NEK9: variants seen among roughly 807,000 people sequenced by gnomAD.
The protein encoded by NEK9 is serine/threonine-protein kinase Nek9.
Under a neutral mutation model 123.4 loss-of-function variants are expected in NEK9, and 75 were observed. That is an observed-to-expected ratio of 0.61 (90% CI 0.50 to 0.74). NEK9 has a LOEUF of 0.74. Among genes scored for constraint, NEK9 ranks in the 30% least tolerant of loss-of-function variants. The pLI is 0.00. For missense variants in NEK9, 952 were observed against 1,214.4 expected (o/e 0.78, Z 3.21); for synonymous variants, 438 against 458.7 (o/e 0.95, Z 0.58).
rs542681727 is a variant in NEK9 at position 75,107,413 on chromosome 14, A to G, written c.1257T>C (p.His419=). ...GDKASYRQPK[H]VEKLQGKAIR... The stretch of plus-strand genomic sequence containing the variant: ...TAGCTTTGCCTTGCAACTTTTCCAC[A>G]TGCTTTGGCTGTCGATAGGAGGCTT... Residue 419 remains histidine (H), a synonymous_variant, in exon 11 of 22, where the codon CAT becomes CAC. Coordinates refer to ENST00000238616, the MANE Select transcript of NEK9 (RefSeq NM_033116.6). The G allele has an allele frequency of 1.1e-5, 17 of 1,613,890 alleles. No individual in the cohort carries two copies. Among genetic ancestry groups the G allele is most frequent in the Middle Eastern group, 1.6e-4 (1 of 6,062 alleles).
At position 75,101,280 on chromosome 14, in the gene NEK9, T is replaced by C. The variant is rs1894571235; in HGVS notation, c.1841-127A>G. ...ATATACAAATATAAAACTAGCCACA[T>C]GATCCTGGACCTAGGACAAATACAG... is the stretch of plus-strand genomic sequence containing the variant. On this transcript the variant is annotated intron_variant, in intron 15 of 21. Coordinates refer to ENST00000238616, the MANE Select transcript of NEK9 (RefSeq NM_033116.6). 6 of 1,024,014 alleles carry C rather than the reference T, an allele frequency of 5.9e-6. No homozygotes were observed. In the East Asian group the frequency reaches 1.6e-4, roughly 27 times the overall value. The allele number at this position is 1,024,014 out of a possible 1,614,324, so 63.4% of individuals were successfully genotyped here.
chr14:75,120,570 C>T lies in NEK9; in HGVS notation c.464G>A (p.Trp155Ter), dbSNP rs557708236. The T allele has an allele frequency of 6.2e-7, 1 of 1,611,406 alleles. No individual in the cohort carries two copies. Among genetic ancestry groups the T allele is most frequent in the Non-Finnish European group, 8.5e-7 (1 of 1,178,194 alleles). Residue 155 changes from tryptophan to a stop codon, truncating the protein, a stop_gained, in exon 4 of 22, where the codon TGG becomes TAG. Transcript: ENST00000238616. LOFTEE classifies it high-confidence loss of function. ...DKLFEEEMVVWYLFQIVSAVS... is the reference protein window; with the variant it reads ...DKLFEEEMVV ...TGCTGAAACAATCTGAAATAGGTAC[C>T]ACACCACCATCTGCAGAGAAAAAAT...
chr14:75,114,065 T>C (rs1895047823), intron 7 of NEK9, 138 bp downstream of exon 7: 1 of 596,276 alleles, frequency 1.7e-6, no homozygotes, highest in South Asian at 2.2e-5. Context: ...CCAATACCTA[T>C]TCTGGGTATA....
chr14:75,089,847 C>T (rs940624337), intron 19 of NEK9, among the ~76,000 whole-genome samples: 9 of 151,924 alleles, frequency 5.9e-5, no homozygotes, highest in African/African-American at 1.7e-4. Flanking sequence ...TACAGGCGTG[C>T]GCCACAACGC....
chr14:75,083,488 T>C lies in NEK9; in HGVS notation c.*1076A>G, dbSNP rs1360532788. 1.8e-5 allele frequency: 3 copies of C among 168,530 alleles called. No homozygotes were observed. The highest frequency in any genetic ancestry group is 6.4e-5 in the Admixed American group (1 of 15,728). The allele number at this position is 168,530 out of a possible 1,614,324, so 10.4% of individuals were successfully genotyped here. A position where few individuals can be genotyped will look rare whatever the true frequency, so the allele number is the denominator to read the frequency against. ...GGGTTTGGTGCTGGCTTTGGGCCAC[T>C]CAGGTAGGAAAAATGATACAGATTC... is the stretch of plus-strand genomic sequence containing the variant. On this transcript the variant is annotated 3_prime_UTR_variant, in exon 22 of 22. Coordinates refer to ENST00000238616, the MANE Select transcript of NEK9 (RefSeq NM_033116.6).
At chr14:75,084,742 T>C (rs1566636981) in intron 21 of NEK9, 56 bp from the exon 22 acceptor site, 2 of 1,609,028 alleles carry the variant, frequency 1.2e-6, no homozygotes, top group South Asian at 1.1e-5. Context: ...GTCACAGAAG[T>C]AGTTCAGTAC....
chr14:75,099,505 G>C (rs1020312743), intron 16 of NEK9, among the ~76,000 whole-genome samples: 1 of 152,170 alleles, frequency 6.6e-6, no homozygotes, highest in Admixed American at 6.5e-5. Context: ...GGAGTGACCA[G>C]GAGTGGTGGC....
At chr14:75,108,100 A>C (rs1024723000) in intron 10 of NEK9, among the ~76,000 whole-genome samples, 8 of 151,906 alleles carry the variant, frequency 5.3e-5, no homozygotes, top group Non-Finnish European at 1.2e-4. Context: ...TACAGCAATG[A>C]GACTAGTCCT....
In NEK9 at chr14:75,127,025, A is replaced by T; in HGVS notation, c.-104T>A. The T allele has an allele frequency of 2.1e-6, 2 of 955,998 alleles. No individual in the cohort carries two copies. The highest frequency in any genetic ancestry group is 3.0e-6 in the Non-Finnish European group (2 of 676,776). 59.2% of individuals were successfully genotyped at this position (955,998 alleles called of 1,614,324 possible). ...TGCCGGCCCGCGGATCCGTCAGCCC[A>T]GCAACCCCGCGAAGCTCGATGGTGG... On this transcript the variant is annotated 5_prime_UTR_variant, in exon 1 of 22. Coordinates refer to ENST00000238616, the MANE Select transcript of NEK9 (RefSeq NM_033116.6).
intron 13 of NEK9, 89 bp from the exon 14 acceptor site, chr14:75,104,086 G>C: frequency 7.5e-7 from 1 of 1,327,450 alleles, no homozygotes; most frequent in East Asian, 2.5e-5. Flanking sequence ...GAGACATGCT[G>C]CATTTAGCAG....
In NEK9 at chr14:75,106,501, C is replaced by A. The variant is rs1894780971; in HGVS notation, c.1528+1G>T. 1 of 1,613,770 alleles carries A rather than the reference C, an allele frequency of 6.2e-7. No homozygotes were observed. Among genetic ancestry groups the A allele is most frequent in the African/African-American group, 1.3e-5 (1 of 74,860 alleles). On this transcript the variant is annotated splice_donor_variant, in intron 12 of 21. Coordinates refer to ENST00000238616, the MANE Select transcript of NEK9 (RefSeq NM_033116.6). LOFTEE classifies it high-confidence loss of function. ...GTGGACAGAGACAAGGCTACCCCTA[C>A]CATATTCGCCACAGCCCCAAGAATA...
chr14:75,109,583 A>C (rs1894891284), intron 10 of NEK9, 102 bp downstream of exon 10: 1 of 1,055,376 alleles, frequency 9.5e-7, no homozygotes, highest in African/African-American at 1.6e-5. Flanking sequence ...CCATGTTGCC[A>C]CTCCCTTAGT....
At chr14:75,113,980 AT>A (rs1297985231) in intron 7 of NEK9, among the ~76,000 whole-genome samples, 1 of 152,180 alleles carries the variant, frequency 6.6e-6, no homozygotes, top group Admixed American at 6.5e-5. Flanking sequence ...TGGGAAATTC[AT>A]TTCACAAACT....
intron 13 of NEK9, among the ~76,000 whole-genome samples, chr14:75,104,879 G>A (rs1006247169): frequency 1.3e-5 from 2 of 152,214 alleles, no homozygotes; most frequent in African/African-American, 4.8e-5. Flanking sequence ...CTCTCAGTTT[G>A]TCTTAGTAAT....
intron 1 of NEK9, among the ~76,000 whole-genome samples, chr14:75,125,058 G>A (rs565516743): frequency 1.4e-4 from 21 of 151,832 alleles, no homozygotes; most frequent in Non-Finnish European, 2.2e-4. Flanking sequence ...ATAGGCATGA[G>A]CCACTGTGCC....
At chr14:75,088,790 A>C in intron 19 of NEK9, 149 bp from the exon 20 acceptor site, 1 of 649,952 alleles carries the variant, frequency 1.5e-6, no homozygotes. Flanking sequence ...ATCACAGCCT[A>C]CCTGTGAAAA....
At position 75,126,705 on chromosome 14, in the gene NEK9, C is replaced by G; in HGVS notation, c.217G>C (p.Glu73Gln). The G allele has an allele frequency of 2.1e-6, 3 of 1,420,506 alleles. No homozygotes were observed. Among genetic ancestry groups the G allele is most frequent in the Non-Finnish European group, 2.7e-6 (3 of 1,090,974 alleles). The allele number at this position is 1,420,506 out of a possible 1,614,324, so 88.0% of individuals were successfully genotyped here. ...FGEATLYRRT[E>Q]DDSLVVWKEV... ...CGGCCGGCGCCGAGGGCCGCTACCT[C>G]GGTGCGGCGGTACAGCGTGGCTTCC... The change falls in exon 1 of 22, where the codon GAG becomes CAG. Residue 73 changes from glutamate to glutamine, a missense_variant and splice_region_variant. Physicochemically the swap from Glu to Gln is conservative, Grantham distance 29 (BLOSUM62 2). Around this residue, in one of 4 missense-constraint regions of NEK9, gnomAD observed 106 missense variants for 153.0 expected, o/e 0.69. Coordinates refer to ENST00000238616, the MANE Select transcript of NEK9 (RefSeq NM_033116.6).
At chr14:75,121,042 G>C (rs566067521) in intron 3 of NEK9, 77 bp downstream of exon 3, 1 of 1,161,860 alleles carries the variant, frequency 8.6e-7, no homozygotes, top group South Asian at 1.2e-5. Flanking sequence ...TTCACTATTG[G>C]AAGAGTAAAT....
rs1043674 is a variant in NEK9 at position 75,082,667 on chromosome 14, T to A, written c.*1897A>T. 3.8e-6 allele frequency: 1 copy of A among 261,320 alleles called. No homozygotes were observed. Among genetic ancestry groups the A allele is most frequent in the Non-Finnish European group, 7.2e-6 (1 of 139,292 alleles). 16.2% of individuals were successfully genotyped at this position (261,320 alleles called of 1,614,324 possible). A position where few individuals can be genotyped will look rare whatever the true frequency, so the allele number is the denominator to read the frequency against. On this transcript the variant is annotated 3_prime_UTR_variant, in exon 22 of 22. Transcript: ENST00000238616. ...CCCCACCTTCTCAGCAACCTGCCCA[T>A]GTCCATCAGCTCCATGGCAGAAGCA...
Sources: gnomAD v4.1 joint callset for allele counts (sites outside exome capture counted in the v4.1 genomes callset) on GRCh38, gnomAD v4.1.1 for gene constraint, gnomAD v4.1.1 regional missense constraint, MANE v1.5 for transcripts, NCBI Gene and HGNC (gene_info 2026-07-23, HGNC 2026-07-21) for gene names.